CIBAR2: variants seen among roughly 807,000 people sequenced by gnomAD.
The protein encoded by CIBAR2 is CBY1 interacting BAR domain containing 2.
A neutral mutation model predicts 36.2 loss-of-function variants in CIBAR2; 38 were observed. The ratio of observed to expected loss-of-function variants is 1.05; its 90% CI spans 0.81 to 1.38. The LOEUF (loss-of-function observed/expected upper bound fraction) is 1.38. CIBAR2 is among the 40% of genes most tolerant of loss of function. CIBAR2 has a pLI of 0.00. For synonymous variants in CIBAR2, 182 were observed against 149.5 expected (o/e 1.22, Z -1.58); for missense variants, 481 against 383.4 (o/e 1.25, Z -2.13).
intron 6 of CIBAR2, among the ~76,000 whole-genome samples, chr16:85,103,297 G>A (rs1438748085): frequency 2.0e-5 from 3 of 152,060 alleles, no homozygotes; most frequent in East Asian, 1.9e-4. Context: ...CTGGAGCCTC[G>A]GTCTTGGACT....
chr16:85,099,651 T>C (rs1418145838), intron 8 of CIBAR2, among the ~76,000 whole-genome samples: 2 of 149,768 alleles, frequency 1.3e-5, no homozygotes, highest in East Asian at 3.9e-4. Context: ...TGAGACAGAG[T>C]CTCGCTCTGT....
At chr16:85,110,836 G>C (rs9937432) in intron 1 of CIBAR2, among the ~76,000 whole-genome samples, 48,743 of 151,184 alleles carry the variant, frequency 0.32, 8,232 homozygotes, top group African/African-American at 0.43. Context: ...TCCTGAGTAG[G>C]TGGGATTACA....
intron 2 of CIBAR2, among the ~76,000 whole-genome samples, chr16:85,109,665 G>C (rs1256888297): frequency 6.6e-6 from 1 of 152,100 alleles, no homozygotes; most frequent in East Asian, 1.9e-4. Context: ...GACCACAGCT[G>C]CTTATTTATT....
intron 8 of CIBAR2, among the ~76,000 whole-genome samples, chr16:85,099,801 T>C (rs1250007969): frequency 7.7e-6 from 1 of 129,408 alleles, no homozygotes; most frequent in African/African-American, 3.5e-5. Context: ...TTTTTGCTTT[T>C]TTTTTTTTTT....
intron 8 of CIBAR2, among the ~76,000 whole-genome samples, chr16:85,099,583 G>A (rs986522551): frequency 2.0e-5 from 3 of 151,746 alleles, no homozygotes; most frequent in African/African-American, 7.3e-5. Flanking sequence ...CAGGGACCGT[G>A]TGGCCTACCA....
intron 7 of CIBAR2, among the ~76,000 whole-genome samples, chr16:85,101,027 C>T (rs1179544899): frequency 6.7e-6 from 1 of 149,650 alleles, no homozygotes; most frequent in Non-Finnish European, 1.5e-5. Flanking sequence ...GCCTGGGCGA[C>T]ACAGCGAGAC....
chr16:85,099,288 TTGG>T lies in CIBAR2; in HGVS notation c.809_811del (p.Ala270_Asn271delinsAsp). ...CTCACAGAGACTAAACCTGCCATGA[TTGG>T]CATGAGGATGTTCAGGGTCTTCATT... is the stretch of plus-strand genomic sequence containing the variant. On this transcript the variant is annotated inframe_deletion, in exon 9 of 9. Coordinates refer to ENST00000539556, the MANE Select transcript of CIBAR2 (RefSeq NM_198491.3). 6.2e-7 allele frequency: 1 copy of T among 1,613,588 alleles called. No homozygotes were observed. Among genetic ancestry groups the T allele is most frequent in the East Asian group, 2.2e-5 (1 of 44,860 alleles).
At chr16:85,108,279 C>T (rs139162213) in intron 2 of CIBAR2, among the ~76,000 whole-genome samples, 180 bp from the exon 3 acceptor site, 1 of 152,182 alleles carries the variant, frequency 6.6e-6, no homozygotes, top group African/African-American at 2.4e-5. Flanking sequence ...GTTCAGGGCC[C>T]GGCTCTGCCT....
At chr16:85,100,742 G>A (rs981199986) in intron 7 of CIBAR2, among the ~76,000 whole-genome samples, 82 of 152,262 alleles carry the variant, frequency 5.4e-4, no homozygotes, top group Admixed American at 1.7e-3. Context: ...TACTGCTGAA[G>A]TTAGGTCATA....
intron 5 of CIBAR2, among the ~76,000 whole-genome samples, chr16:85,107,334 C>G (rs938265242): frequency 1.3e-5 from 2 of 152,074 alleles, no homozygotes; most frequent in African/African-American, 4.8e-5. Flanking sequence ...CTGTGCCCCA[C>G]GAGCTCCCAT....
chr16:85,099,797 CTTTTTTTTTTTT>C lies in CIBAR2; in HGVS notation c.753+330_753+341del, dbSNP rs71386075. Among the ~76,000 whole-genome samples, 14 of 77,508 alleles carry C rather than the reference CTTTTTTTTTTTT, an allele frequency of 1.8e-4. No homozygotes were observed. The South Asian group carries it at 5.5e-3, about 30-fold the overall frequency. The allele number at this position is 77,508 out of a possible 152,430, so 50.8% of individuals were successfully genotyped here. ...CACCACCACACCCGGCTAATTTTTG[CTTTTTTTTTTTT>C]TTTTTTTTTTTTAGTAGAGATGGGG... On this transcript the variant is annotated intron_variant, in intron 8 of 8. Transcript: ENST00000539556.
Position 85,105,309 on chromosome 16 carries a change from C to T in CIBAR2, c.537+18G>A, listed in dbSNP as rs745883353. 1 of 1,575,414 alleles carries T rather than the reference C, an allele frequency of 6.3e-7. No homozygotes were observed. Among genetic ancestry groups the T allele is most frequent in the Non-Finnish European group, 8.7e-7 (1 of 1,148,572 alleles). The stretch of plus-strand genomic sequence containing the variant: ...AAGGCAGCCCAGGGCGCCTCCCATC[C>T]CGGCCAACCACCCTCACCTGCAGGT... On this transcript the variant is annotated intron_variant, in intron 6 of 8. Coordinates refer to ENST00000539556, the MANE Select transcript of CIBAR2 (RefSeq NM_198491.3).
intron 7 of CIBAR2, 73 bp from the exon 8 acceptor site, chr16:85,100,313 AGACGGTGGG>A (rs1422336786): frequency 1.1e-5 from 10 of 944,606 alleles, no homozygotes; most frequent in Non-Finnish European, 1.7e-5. Context: ...TGGGATGGAA[AGACGGTGGG>A]GACGAGAAGG....
chr16:85,108,223 G>A (rs963222649), intron 2 of CIBAR2, 124 bp from the exon 3 acceptor site: 33 of 838,110 alleles, frequency 3.9e-5, no homozygotes, highest in East Asian at 7.9e-5. Context: ...GAGGTGGAGC[G>A]CGAGGTGCCC....
chr16:85,100,118 C>T, intron 8 of CIBAR2, 21 bp downstream of exon 8: 3 of 1,593,568 alleles, frequency 1.9e-6, no homozygotes, highest in Admixed American at 1.7e-5. Context: ...GGTGTAACCC[C>T]TCACCCACCC....
Position 85,105,433 on chromosome 16 carries a change from T to C in CIBAR2, c.433-2A>G. 1.9e-6 allele frequency: 3 copies of C among 1,611,396 alleles called. No individual in the cohort carries two copies. The highest frequency in any genetic ancestry group is 2.5e-6 in the Non-Finnish European group (3 of 1,177,830). The stretch of plus-strand genomic sequence containing the variant: ...GGCCCTCTGCACTCTGGTCTCTGCC[T>C]GGCCCCAGGGACACAAGACGTAGAA... On this transcript the variant is annotated splice_acceptor_variant, in intron 5 of 8. Transcript: ENST00000539556. LOFTEE classifies it high-confidence loss of function.
rs199875734 is a variant in CIBAR2 at position 85,108,075 on chromosome 16, C to T, written c.280G>A (p.Val94Ile). Reference protein sequence around the residue: ...AQVERLETKVVNPLKLYGAQI... With the variant: ...AQVERLETKVINPLKLYGAQI... The stretch of plus-strand genomic sequence containing the variant: ...GCCCCGTAGAGCTTCAGGGGGTTGA[C>T]CACCTTGGTCTCCAGCCTCTCGACC... Residue 94 changes from valine to isoleucine, a missense_variant, in exon 3 of 9, where the codon GTC (valine) becomes ATC (isoleucine). Transcript: ENST00000539556. 17 of 1,612,622 alleles carry T rather than the reference C, an allele frequency of 1.1e-5. No homozygotes were observed. The highest frequency in any genetic ancestry group is 1.3e-5 in the Non-Finnish European group (15 of 1,179,174).
intron 7 of CIBAR2, among the ~76,000 whole-genome samples, chr16:85,100,894 A>T (rs1195582761): frequency 1.3e-5 from 2 of 152,108 alleles, no homozygotes; most frequent in Non-Finnish European, 2.9e-5. Flanking sequence ...AAAAATACAT[A>T]ACATTAGCTG....
chr16:85,108,083 G>T lies in CIBAR2; in HGVS notation c.272C>A (p.Thr91Asn), dbSNP rs776711053. ...GAGCTTCAGGGGGTTGACCACCTTG[G>T]TCTCCAGCCTCTCGACCTGGGGGAG... The part of the protein sequence containing the change: ...YRQAQVERLE[T>N]KVVNPLKLYG... The change falls in exon 3 of 9, where the codon ACC (threonine) becomes AAC (asparagine). Residue 91 changes from threonine (T) to asparagine (N), a missense_variant. Transcript: ENST00000539556. The T allele has an allele frequency of 6.2e-7, 1 of 1,612,378 alleles. No individual in the cohort carries two copies. The highest frequency in any genetic ancestry group is 2.2e-5 in the East Asian group (1 of 44,828).
Sources: allele counts gnomAD v4.1 joint callset (sites outside exome capture counted in the v4.1 genomes callset), GRCh38; gene constraint gnomAD v4.1.1; transcripts MANE v1.5; gene names NCBI Gene and HGNC (gene_info 2026-07-23, HGNC 2026-07-21).